MARCHF8: variants seen among roughly 807,000 people sequenced by gnomAD.
MARCHF8 encodes the protein membrane associated ring-CH-type finger 8, also known as E3 ubiquitin-protein ligase MARCHF8.
In MARCHF8, 40 loss-of-function variants were observed where a neutral mutation model predicts 51.6. The observed-to-expected ratio is 0.77, with a 90% confidence interval of 0.60 to 1.01. The LOEUF (loss-of-function observed/expected upper bound fraction) is 1.01, where lower values mean the gene tolerates loss of function less well. Among genes scored for constraint, MARCHF8 ranks in the 50% least tolerant of loss-of-function variants. MARCHF8 has a pLI of 0.00. For synonymous variants in MARCHF8, 263 were observed against 280.3 expected (o/e 0.94, Z 0.62); for missense variants, 685 against 708.6 (o/e 0.97, Z 0.38).
chr10:45,487,481 T>C (rs1437477938), intron 3 of MARCHF8, among the ~76,000 whole-genome samples: 3 of 152,220 alleles, frequency 2.0e-5, no homozygotes, highest in Non-Finnish European at 4.4e-5. Context: ...ACAGGCCATC[T>C]GCAGCTGCAC....
At chr10:45,474,289 G>C (rs540635841) in intron 3 of MARCHF8, among the ~76,000 whole-genome samples, 1 of 152,286 alleles carries the variant, frequency 6.6e-6, no homozygotes, top group South Asian at 2.1e-4. Context: ...TCCTGAACAG[G>C]CAGTCACCTC....
At chr10:45,493,599 C>A (rs965464421) in intron 2 of MARCHF8, among the ~76,000 whole-genome samples, 1 of 152,146 alleles carries the variant, frequency 6.6e-6, no homozygotes, top group African/African-American at 2.4e-5. Flanking sequence ...GACACCTAAT[C>A]ATTTAGGGAT....
At chr10:45,581,935 T>G (rs1456872743) in intron 1 of MARCHF8, among the ~76,000 whole-genome samples, 1 of 149,732 alleles carries the variant, frequency 6.7e-6, no homozygotes, top group East Asian at 1.9e-4. Context: ...ACTTAGGCAC[T>G]TCAACCAAAA....
chr10:45,593,960 T>C (rs972845060), intron 1 of MARCHF8, among the ~76,000 whole-genome samples: 4 of 152,174 alleles, frequency 2.6e-5, no homozygotes, highest in African/African-American at 9.7e-5. Context: ...GTAGTTAGCG[T>C]GGGGATGGGT....
At chr10:45,540,875 T>C (rs1379248951) in intron 1 of MARCHF8, among the ~76,000 whole-genome samples, 2 of 152,104 alleles carry the variant, frequency 1.3e-5, no homozygotes, top group Non-Finnish European at 2.9e-5. Context: ...TGAGATACCA[T>C]CTCACACCAG....
At chr10:45,587,185 A>C in intron 1 of MARCHF8, among the ~76,000 whole-genome samples, 1 of 152,168 alleles carries the variant, frequency 6.6e-6, no homozygotes, top group Non-Finnish European at 1.5e-5. Context: ...CAATGACTGT[A>C]TGTGGAGAAA....
intron 3 of MARCHF8, among the ~76,000 whole-genome samples, chr10:45,479,148 C>T (rs921309512): frequency 3.3e-5 from 5 of 152,102 alleles, no homozygotes; most frequent in African/African-American, 9.7e-5. Flanking sequence ...AGACAGTACA[C>T]GATTAAGGGA....
chr10:45,536,835 AAATAATAATAAT>A (rs60341718), upstream of MARCHF8, among the ~76,000 whole-genome samples: 831 of 134,822 alleles, frequency 6.2e-3, 8 homozygotes, highest in East Asian at 0.043. Context: ...ATCTCTACCA[AAATAATAATAAT>A]AATAATAATA....
intron 2 of MARCHF8, among the ~76,000 whole-genome samples, chr10:45,512,716 G>A (rs1467513039): frequency 6.6e-6 from 1 of 152,160 alleles, no homozygotes; most frequent in Non-Finnish European, 1.5e-5. Context: ...CACCCCGTCT[G>A]GGAGGTGTAC....
chr10:45,501,008 A>C (rs2043269823), intron 2 of MARCHF8, among the ~76,000 whole-genome samples: 1 of 152,054 alleles, frequency 6.6e-6, no homozygotes, highest in Admixed American at 6.6e-5. Flanking sequence ...CTGCAAAAAA[A>C]ATTGATCAAA....
At chr10:45,459,291 A>C in intron 6 of MARCHF8, 24 bp from the exon 7 acceptor site, 1 of 1,610,600 alleles carries the variant, frequency 6.2e-7, no homozygotes, top group Non-Finnish European at 8.5e-7. Context: ...ACAGAGTGTG[A>C]GGCTCAGGCT....
chr10:45,541,805 T>C (rs972752810), intron 1 of MARCHF8, among the ~76,000 whole-genome samples: 1 of 152,162 alleles, frequency 6.6e-6, no homozygotes, highest in Non-Finnish European at 1.5e-5. Flanking sequence ...CTAATGTTTA[T>C]GAACATATTA....
At chr10:45,516,300 TC>T (rs2043616961) in intron 2 of MARCHF8, among the ~76,000 whole-genome samples, 1 of 152,186 alleles carries the variant, frequency 6.6e-6, no homozygotes, top group African/African-American at 2.4e-5. Flanking sequence ...AACAGTGATC[TC>T]CAGTATGTTT....
At chr10:45,468,855 C>T (rs1843059909) in intron 3 of MARCHF8, among the ~76,000 whole-genome samples, 1 of 152,104 alleles carries the variant, frequency 6.6e-6, no homozygotes, top group South Asian at 2.1e-4. Flanking sequence ...TGTTGGGAAG[C>T]AGGTATGCTT....
intron 2 of MARCHF8, among the ~76,000 whole-genome samples, chr10:45,510,603 C>A (rs542700365): frequency 6.6e-5 from 10 of 152,176 alleles, no homozygotes; most frequent in African/African-American, 2.4e-4. Flanking sequence ...TTTAAAGTAA[C>A]GTCAAAATGC....
chr10:45,526,905 C>G (rs1351352415), intron 2 of MARCHF8, among the ~76,000 whole-genome samples: 1 of 152,134 alleles, frequency 6.6e-6, no homozygotes, highest in Non-Finnish European at 1.5e-5. Context: ...TTTTAAAAAA[C>G]TGAAATCATT....
intron 3 of MARCHF8, among the ~76,000 whole-genome samples, chr10:45,470,679 T>C (rs980257045): frequency 2.0e-5 from 3 of 152,188 alleles, no homozygotes; most frequent in African/African-American, 4.8e-5. Flanking sequence ...TGCTTCCTGC[T>C]CATGAGATTG....
chr10:45,575,694 T>G (rs35150810), intron 1 of MARCHF8, among the ~76,000 whole-genome samples: 9,380 of 152,288 alleles, frequency 0.062, 331 homozygotes, highest in Non-Finnish European at 0.066. Context: ...AATATAAGAC[T>G]ACAGGAATGT....
At position 45,529,354 on chromosome 10, in the gene MARCHF8, G is replaced by A. The variant is rs568579599; in HGVS notation, c.102+3756C>T. Among the ~76,000 whole-genome samples the A allele has an allele frequency of 2.0e-5, 3 of 152,232 alleles. No homozygotes were observed. The South Asian group carries it at 6.2e-4, about 32-fold the overall frequency. On this transcript the variant is annotated intron_variant, in intron 2 of 7. Coordinates refer to ENST00000453424, the MANE Select transcript of MARCHF8 (RefSeq NM_001282866.2). ...GAAAGTATAAAGACCTGAAAGATCT[G>A]AAACTATAAAGATTCTAGAAGAAAA...
Sources: allele counts gnomAD v4.1 joint callset (sites outside exome capture counted in the v4.1 genomes callset), GRCh38; gene constraint gnomAD v4.1.1; transcripts MANE v1.5; gene names NCBI Gene and HGNC (gene_info 2026-07-23, HGNC 2026-07-21).